The following FBXL13 variants were observed in gnomAD, a reference collection of about 807,000 sequenced individuals.
FBXL13 encodes the protein F-box and leucine-rich repeat protein 13.
FBXL13 carries 67 observed loss-of-function variants against 83.6 expected under a neutral mutation model. That is an observed-to-expected ratio of 0.80 (90% CI 0.66 to 0.98). The LOEUF (loss-of-function observed/expected upper bound fraction) is 0.98, where lower values mean the gene tolerates loss of function less well. FBXL13 is among the 50% of genes least tolerant of loss of function. FBXL13 has a pLI of 0.00. For synonymous variants in FBXL13, 272 were observed against 299.5 expected (o/e 0.91, Z 0.95); for missense variants, 822 against 866.5 (o/e 0.95, Z 0.64).
chr7:102,885,301 A>T (rs1014691620), intron 11 of FBXL13, among the ~76,000 whole-genome samples: 7 of 152,182 alleles, frequency 4.6e-5, no homozygotes, highest in Admixed American at 4.6e-4. Flanking sequence ...TCCCATTAAA[A>T]CAAATTTCCT....
intron 11 of FBXL13, among the ~76,000 whole-genome samples, chr7:102,890,039 C>T (rs918248707): frequency 1.3e-5 from 2 of 152,082 alleles, no homozygotes; most frequent in Non-Finnish European, 2.9e-5. Flanking sequence ...GACTCTTTAG[C>T]TTTGTCCTGG....
intron 18 of FBXL13, among the ~76,000 whole-genome samples, chr7:102,828,506 G>C (rs1230307762): frequency 1.3e-5 from 2 of 152,150 alleles, no homozygotes; most frequent in East Asian, 3.9e-4. Flanking sequence ...GGGAATCCCA[G>C]AATTAGCAAA....
At chr7:102,891,700 C>G (rs1811556091) in intron 11 of FBXL13, among the ~76,000 whole-genome samples, 1 of 152,154 alleles carries the variant, frequency 6.6e-6, no homozygotes, top group African/African-American at 2.4e-5. Context: ...GAGTGAGGAA[C>G]CAGGACACAA....
chr7:103,016,414 C>A lies in FBXL13; in HGVS notation c.495+8649G>T, dbSNP rs530931204. ...ACGCAGAAGACGGGTGATTTCTGCA[C>A]TTCCAACTGAGGTACTGGGTTCATC... On this transcript the variant is annotated intron_variant, in intron 6 of 19. Coordinates refer to ENST00000313221, the Ensembl canonical transcript of FBXL13. Among the ~76,000 whole-genome samples the A allele has an allele frequency of 2.6e-5, 4 of 152,074 alleles. No homozygotes were observed. The South Asian group carries it at 8.3e-4, about 32-fold the overall frequency.
chr7:102,897,947 T>A (rs1812460026), intron 11 of FBXL13, among the ~76,000 whole-genome samples: 1 of 152,190 alleles, frequency 6.6e-6, no homozygotes, highest in Admixed American at 6.5e-5. Context: ...TCCCACTCCT[T>A]TTGTAATATA....
intron 7 of FBXL13, among the ~76,000 whole-genome samples, chr7:102,967,505 TCAGG>T (rs1235117019): frequency 6.6e-6 from 1 of 152,216 alleles, no homozygotes; most frequent in East Asian, 1.9e-4. Context: ...ACTCCTGACC[TCAGG>T]TGATCTGCCC....
chr7:102,883,270 A>C, intron 14 of FBXL13, 35 bp downstream of exon 15: 1 of 1,577,448 alleles, frequency 6.3e-7, no homozygotes, highest in Non-Finnish European at 8.6e-7. Context: ...TAGATAATCA[A>C]CGTTTCTTGA....
At position 102,941,864 on chromosome 7, in the gene FBXL13, G is replaced by A. The variant is rs147326125; in HGVS notation, c.725-9931C>T. Reference sequence around the variant, plus strand: ...CAAAACTAGTATACAAAGAAAACTTGAGAAAAATGAGAAGACAATGCAAAG... The same window carrying A: ...CAAAACTAGTATACAAAGAAAACTTAAGAAAAATGAGAAGACAATGCAAAG... On this transcript the variant is annotated intron_variant, in intron 8 of 19. Coordinates refer to ENST00000313221, the Ensembl canonical transcript of FBXL13. 3.7e-3 allele frequency among the ~76,000 whole-genome samples: 567 copies of A among 152,232 alleles called. 4 individuals carry two copies. Among genetic ancestry groups the A allele is most frequent in the African/African-American group, 0.013 (560 of 41,534 alleles).
intron 6 of FBXL13, among the ~76,000 whole-genome samples, chr7:103,002,431 G>A (rs760216092): frequency 3.0e-4 from 46 of 152,234 alleles, no homozygotes; most frequent in Middle Eastern, 6.8e-3. Flanking sequence ...TACTAGAGAT[G>A]AGTTGATTAT....
intron 6 of FBXL13, chr7:102,976,187 T>C (rs772303489): frequency 1.3e-6 from 1 of 764,346 alleles, no homozygotes; most frequent in East Asian, 2.4e-5. Context: ...CCCCAGCAAC[T>C]ACCATCGCTT....
intron 6 of FBXL13, among the ~76,000 whole-genome samples, chr7:102,972,196 A>C (rs1826771938): frequency 1.3e-5 from 2 of 152,172 alleles, no homozygotes; most frequent in Admixed American, 6.5e-5. Context: ...AAAGCCATTA[A>C]CTTTATAAAA....
intron 8 of FBXL13, 23 bp downstream of exon 9, chr7:102,963,510 A>G (rs772195654): frequency 6.2e-7 from 1 of 1,601,842 alleles, no homozygotes; most frequent in South Asian, 1.1e-5. Flanking sequence ...AGCAAGACAA[A>G]TAGTTGTAAT....
chr7:102,828,819 G>A (rs1318655795), intron 18 of FBXL13, among the ~76,000 whole-genome samples: 2 of 152,172 alleles, frequency 1.3e-5, no homozygotes, highest in Non-Finnish European at 2.9e-5. Flanking sequence ...AGCTTTAGCT[G>A]AGCCTGGGGC....
At chr7:102,822,306 T>C in intron 18 of FBXL13, 103 bp from the exon 20 acceptor site, 2 of 1,061,690 alleles carry the variant, frequency 1.9e-6, no homozygotes. Flanking sequence ...CCACAGACTG[T>C]GGCTTAAACA....
At chr7:102,846,584 C>A (rs1294613546) in intron 17 of FBXL13, among the ~76,000 whole-genome samples, 4 of 133,246 alleles carry the variant, frequency 3.0e-5, no homozygotes, top group Non-Finnish European at 6.2e-5. Context: ...CCACTGCATA[C>A]AAGCCTGGGC....
At chr7:102,847,207 GA>G (rs200296509) in intron 17 of FBXL13, among the ~76,000 whole-genome samples, 4,687 of 141,670 alleles carry the variant, frequency 0.033, 186 homozygotes, top group East Asian at 0.16. Context: ...AACTTTACAG[GA>G]AAAAAAAAAA....
intron 6 of FBXL13, among the ~76,000 whole-genome samples, chr7:102,969,486 GA>G (rs550627644): frequency 2.1e-5 from 3 of 141,706 alleles, no homozygotes; most frequent in East Asian, 4.1e-4. Flanking sequence ...AACTGAGTCA[GA>G]AAAAAAAAAG....
intron 1 of FBXL13, among the ~76,000 whole-genome samples, chr7:103,062,876 C>A (rs927126406): frequency 6.6e-6 from 1 of 152,178 alleles, no homozygotes; most frequent in Non-Finnish European, 1.5e-5. Flanking sequence ...GTGGTTGAAG[C>A]CATTGAGGTG....
chr7:103,021,625 A>G (rs1407011619), intron 6 of FBXL13, among the ~76,000 whole-genome samples: 1 of 152,212 alleles, frequency 6.6e-6, no homozygotes, highest in Non-Finnish European at 1.5e-5. Context: ...AAGAACTTAA[A>G]CAAATTTGCA....
Sources: allele counts gnomAD v4.1 joint callset (sites outside exome capture counted in the v4.1 genomes callset), GRCh38; gene constraint gnomAD v4.1.1; transcripts MANE v1.5; gene names NCBI Gene and HGNC (gene_info 2026-07-23, HGNC 2026-07-21).